Variants in ENTHD1 observed in about 807,000 individuals in gnomAD.
ENTHD1 encodes the protein ENTH domain-containing protein 1.
ENTHD1 carries 23 observed loss-of-function variants against 39.1 expected under a neutral mutation model. That is an observed-to-expected ratio of 0.59 (90% CI 0.42 to 0.83). ENTHD1 has a LOEUF of 0.83. Among genes scored for constraint, ENTHD1 ranks in the 40% least tolerant of loss-of-function variants. ENTHD1 has a pLI of 0.00. For missense variants in ENTHD1, 624 were observed against 705.4 expected (o/e 0.88, Z 1.31); for synonymous variants, 230 against 258.2 (o/e 0.89, Z 1.05).
At chr22:39,870,678 C>T (rs1376844037) in intron 2 of ENTHD1, among the ~76,000 whole-genome samples, 1 of 152,196 alleles carries the variant, frequency 6.6e-6, no homozygotes, top group Admixed American at 6.5e-5. Flanking sequence ...GTCGGCCCAT[C>T]AGCCATTGTC....
chr22:39,892,675 T>A lies in ENTHD1; in HGVS notation c.-156+1020A>T, dbSNP rs187893027. ...GACTTTATCCAAAGACTTGGGACAA[T>A]AATGACAATAGCATCTAAGAGGCTG... On this transcript the variant is annotated intron_variant, in intron 1 of 6. Coordinates refer to ENST00000325157, the MANE Select transcript of ENTHD1 (RefSeq NM_152512.4). Among the ~76,000 whole-genome samples, 1,095 of 152,280 alleles carry A rather than the reference T, an allele frequency of 7.2e-3. 18 individuals are homozygous for A. The highest frequency in any genetic ancestry group is 0.025 in the African/African-American group (1,047 of 41,554).
intron 2 of ENTHD1, among the ~76,000 whole-genome samples, chr22:39,884,533 T>C (rs532207525): frequency 9.4e-5 from 14 of 149,184 alleles, no homozygotes; most frequent in Middle Eastern, 3.5e-3. Context: ...CAAATGAAAA[T>C]GCAAGAGACT....
chr22:39,851,659 A>G (rs1294331736), intron 3 of ENTHD1, among the ~76,000 whole-genome samples: 2 of 152,190 alleles, frequency 1.3e-5, no homozygotes, highest in Non-Finnish European at 2.9e-5. Flanking sequence ...TTCCTTCCCA[A>G]TGCTCAAGAC....
At chr22:39,816,612 C>A (rs2065735544) in intron 5 of ENTHD1, among the ~76,000 whole-genome samples, 1 of 152,140 alleles carries the variant, frequency 6.6e-6, no homozygotes, top group South Asian at 2.1e-4. Context: ...AATGTTGAGA[C>A]AACTGGCTGC....
In ENTHD1 at chr22:39,825,276, G is replaced by A. The variant is rs564582355; in HGVS notation, c.712-4163C>T. On this transcript the variant is annotated intron_variant, in intron 4 of 6. Coordinates refer to ENST00000325157, the MANE Select transcript of ENTHD1 (RefSeq NM_152512.4). Reference sequence around the variant, plus strand: ...ATTGTCTTAATTTAAGTTTCCACATGTTCATTGTTAGTATGTAGACATTCA... The same window carrying A: ...ATTGTCTTAATTTAAGTTTCCACATATTCATTGTTAGTATGTAGACATTCA... 3.9e-5 allele frequency among the ~76,000 whole-genome samples: 6 copies of A among 152,212 alleles called. 1 individual carries two copies. The South Asian group carries it at 1.2e-3, about 32-fold the overall frequency.
At chr22:39,866,647 T>A (rs1027397954) in intron 2 of ENTHD1, among the ~76,000 whole-genome samples, 1 of 152,184 alleles carries the variant, frequency 6.6e-6, no homozygotes, top group Non-Finnish European at 1.5e-5. Context: ...GAACACCCTC[T>A]CCCGCTGTGC....
At chr22:39,767,429 G>A (rs1353518451) in intron 5 of ENTHD1, among the ~76,000 whole-genome samples, 1 of 152,036 alleles carries the variant, frequency 6.6e-6, no homozygotes, top group African/African-American at 2.4e-5. Context: ...TTTGAGACCA[G>A]CCTGGGCAAC....
chr22:39,888,114 T>C (rs1043293403), intron 1 of ENTHD1, among the ~76,000 whole-genome samples: 1 of 152,142 alleles, frequency 6.6e-6, no homozygotes, highest in Admixed American at 6.5e-5. Flanking sequence ...ATAGGTTGTC[T>C]TTCTAGTCAT....
At chr22:39,757,441 T>TA (rs1201326785) in intron 6 of ENTHD1, among the ~76,000 whole-genome samples, 5 of 151,610 alleles carry the variant, frequency 3.3e-5, no homozygotes, top group Admixed American at 6.6e-5. Context: ...AGGCTAAATT[T>TA]AAAAAAAATT....
At chr22:39,872,673 C>A (rs979977992) in intron 2 of ENTHD1, among the ~76,000 whole-genome samples, 1 of 151,970 alleles carries the variant, frequency 6.6e-6, no homozygotes, top group Non-Finnish European at 1.5e-5. Flanking sequence ...TGAGCACATC[C>A]CTGAGTGTTG....
intron 6 of ENTHD1, among the ~76,000 whole-genome samples, chr22:39,753,895 TGA>T (rs1392086721): frequency 4.6e-5 from 7 of 152,214 alleles, no homozygotes; most frequent in African/African-American, 1.7e-4. Context: ...TTGGCCTCAC[TGA>T]GAGAACAGAT....
intron 5 of ENTHD1, among the ~76,000 whole-genome samples, chr22:39,800,245 T>C (rs554892587): frequency 6.6e-6 from 1 of 152,236 alleles, no homozygotes; most frequent in African/African-American, 2.4e-5. Context: ...TCTGCTCCTA[T>C]GCCTTAGGTG....
At chr22:39,873,337 GTA>G (rs1394216380) in intron 2 of ENTHD1, among the ~76,000 whole-genome samples, 4 of 151,944 alleles carry the variant, frequency 2.6e-5, no homozygotes, top group Non-Finnish European at 2.9e-5. Flanking sequence ...AAAGAATACT[GTA>G]ATTTGTGTAA....
intron 2 of ENTHD1, among the ~76,000 whole-genome samples, chr22:39,887,181 T>C (rs116178501): frequency 1.2e-3 from 181 of 152,312 alleles, no homozygotes; most frequent in African/African-American, 4.3e-3. Flanking sequence ...TCCTAATCTT[T>C]ATTGGCACAT....
intron 6 of ENTHD1, among the ~76,000 whole-genome samples, chr22:39,762,040 T>G (rs1003191440): frequency 4.6e-5 from 7 of 152,194 alleles, no homozygotes; most frequent in African/African-American, 1.7e-4. Context: ...CTGGATTCTG[T>G]GATACTCCTC....
intron 2 of ENTHD1, among the ~76,000 whole-genome samples, chr22:39,863,195 ACAGACAGGCAAGAATATAGGAAGG>A (rs2066157678): frequency 6.6e-6 from 1 of 152,220 alleles, no homozygotes; most frequent in Admixed American, 6.5e-5. Flanking sequence ...AGACAGATAG[ACAGACAGGCAAGAATATAGGAAGG>A]CAGGCAGGCA....
At chr22:39,811,539 C>T (rs2093924778) in intron 5 of ENTHD1, among the ~76,000 whole-genome samples, 1 of 152,202 alleles carries the variant, frequency 6.6e-6, no homozygotes, top group African/African-American at 2.4e-5. Context: ...TAAAAAACAA[C>T]ACTTGGCTTG....
chr22:39,825,690 G>C (rs551916853), intron 4 of ENTHD1, among the ~76,000 whole-genome samples: 1 of 151,588 alleles, frequency 6.6e-6, no homozygotes, highest in South Asian at 2.1e-4. Flanking sequence ...ATTTGTCAAA[G>C]TTATAAAGTT....
At chr22:39,783,396 A>G (rs1208244010) in intron 5 of ENTHD1, among the ~76,000 whole-genome samples, 1 of 152,188 alleles carries the variant, frequency 6.6e-6, no homozygotes, top group South Asian at 2.1e-4. Flanking sequence ...AGTAGAAAAA[A>G]CAATCCTAAA....
Sources: allele counts gnomAD v4.1 joint callset (sites outside exome capture counted in the v4.1 genomes callset), GRCh38; gene constraint gnomAD v4.1.1; transcripts MANE v1.5; gene names NCBI Gene and HGNC (gene_info 2026-07-23, HGNC 2026-07-21).